Variants in SNX29 observed in about 807,000 individuals in gnomAD.
SNX29 encodes the protein sorting nexin 29.
SNX29 carries 78 observed loss-of-function variants against 102.1 expected under a neutral mutation model. The observed-to-expected ratio is 0.76, with a 90% CI of 0.64 to 0.92. The LOEUF (loss-of-function observed/expected upper bound fraction) is 0.92, where lower values mean the gene tolerates loss of function less well. SNX29 is among the 40% of genes least tolerant of loss of function. The probability of loss-of-function intolerance (pLI) is 0.00; values close to 1 mark genes in which losing one functional copy is unlikely to be tolerated. For synonymous variants in SNX29, 580 were observed against 414.5 expected (o/e 1.40, Z -4.85); for missense variants, 1,280 against 1,061.7 (o/e 1.21, Z -2.86).
chr16:12,547,662 C>G (rs965597019), intron 20 of SNX29, among the ~76,000 whole-genome samples: 4 of 152,120 alleles, frequency 2.6e-5, no homozygotes, highest in Admixed American at 1.3e-4. Context: ...ACCCCAAGCA[C>G]CATCTCCTGT....
intron 14 of SNX29, among the ~76,000 whole-genome samples, chr16:12,229,376 A>G (rs2077705445): frequency 6.6e-6 from 1 of 152,218 alleles, no homozygotes; most frequent in Non-Finnish European, 1.5e-5. Flanking sequence ...GTCTGGATCT[A>G]AATGAACATC....
At chr16:12,130,196 G>A (rs574781223) in intron 13 of SNX29, among the ~76,000 whole-genome samples, 34 of 144,762 alleles carry the variant, frequency 2.3e-4, no homozygotes, top group Admixed American at 2.2e-3. Flanking sequence ...AAAAAAAAAA[G>A]CCGGGCATGA....
intron 18 of SNX29, among the ~76,000 whole-genome samples, chr16:12,422,855 C>T (rs1027480593): frequency 6.6e-6 from 1 of 152,236 alleles, no homozygotes; most frequent in South Asian, 2.1e-4. Context: ...CTGGGATTCA[C>T]AGTCTCTCAG....
At chr16:12,273,087 C>G (rs952695470) in intron 14 of SNX29, among the ~76,000 whole-genome samples, 3 of 152,118 alleles carry the variant, frequency 2.0e-5, no homozygotes, top group African/African-American at 7.2e-5. Context: ...GGTGTTAATA[C>G]TTAATTCAAC....
chr16:12,553,402 T>C (rs1423204290), intron 20 of SNX29, among the ~76,000 whole-genome samples: 1 of 152,188 alleles, frequency 6.6e-6, no homozygotes, highest in South Asian at 2.1e-4. Flanking sequence ...TAAGTAGTTC[T>C]GGTGGTTGAA....
intron 20 of SNX29, among the ~76,000 whole-genome samples, chr16:12,538,480 G>A (rs2077177900): frequency 6.6e-6 from 1 of 152,144 alleles, no homozygotes; most frequent in Non-Finnish European, 1.5e-5. Flanking sequence ...TTGATGCTGT[G>A]TAACATACAT....
At chr16:12,555,547 G>T (rs1046775508) in intron 20 of SNX29, among the ~76,000 whole-genome samples, 3 of 150,784 alleles carry the variant, frequency 2.0e-5, no homozygotes, top group Admixed American at 2.0e-4. Flanking sequence ...AGGTCATACC[G>T]TGGGTTTGAG....
At chr16:12,042,171 C>G (rs2049905683) in intron 4 of SNX29, among the ~76,000 whole-genome samples, 1 of 152,108 alleles carries the variant, frequency 6.6e-6, no homozygotes, top group Non-Finnish European at 1.5e-5. Flanking sequence ...GGTGGGATTA[C>G]AGGTGTGCGC....
intron 19 of SNX29, among the ~76,000 whole-genome samples, chr16:12,480,077 G>A (rs2087835446): frequency 6.6e-6 from 1 of 152,174 alleles, no homozygotes; most frequent in Non-Finnish European, 1.5e-5. Context: ...ATACAGTACT[G>A]TATTTAGCTT....
At chr16:11,985,778 A>C (rs2055597328) in intron 1 of SNX29, among the ~76,000 whole-genome samples, 1 of 150,972 alleles carries the variant, frequency 6.6e-6, no homozygotes, top group Admixed American at 6.6e-5. Flanking sequence ...TTCCTGAGGC[A>C]GGTGGCTCCT....
chr16:11,980,421 TTTGAG>T (rs1381277724), intron 1 of SNX29, among the ~76,000 whole-genome samples: 1 of 152,208 alleles, frequency 6.6e-6, no homozygotes, highest in Non-Finnish European at 1.5e-5. Context: ...AAAATGGGCA[TTTGAG>T]TTGTTTCTAC....
rs571730906 is a variant in SNX29, at chr16:12,570,464, C to G, written c.*1835C>G. On this transcript the variant is annotated 3_prime_UTR_variant, in exon 21 of 21. Coordinates refer to ENST00000566228, the MANE Select transcript of SNX29 (RefSeq NM_032167.5). ...CCTAATGGACTGAGGCAGGAAACGT[C>G]TAAAAGCTCAATCTGCTGTATGTCA... 1 of 235,660 alleles carries G rather than the reference C, an allele frequency of 4.2e-6. No individual in the cohort carries two copies. Among genetic ancestry groups the G allele is most frequent in the Non-Finnish European group, 8.3e-6 (1 of 120,354 alleles). The allele number at this position is 235,660 out of a possible 1,614,324, so 14.6% of individuals were successfully genotyped here. A position where few individuals can be genotyped will look rare whatever the true frequency, so the allele number is the denominator to read the frequency against.
chr16:12,024,038 C>G (rs1235642790), intron 3 of SNX29, among the ~76,000 whole-genome samples: 2 of 152,004 alleles, frequency 1.3e-5, no homozygotes, highest in African/African-American at 4.8e-5. Flanking sequence ...GGAAATCAGA[C>G]CATTAACAGA....
At chr16:12,285,890 CTG>C (rs1032274027) in intron 15 of SNX29, among the ~76,000 whole-genome samples, 18 of 152,288 alleles carry the variant, frequency 1.2e-4, no homozygotes, top group African/African-American at 4.3e-4. Context: ...GAGTTTCACT[CTG>C]TTGCCCAGGC....
chr16:12,194,747 C>T (rs1359370542), intron 13 of SNX29, among the ~76,000 whole-genome samples: 2 of 151,598 alleles, frequency 1.3e-5, no homozygotes, highest in Non-Finnish European at 2.9e-5. Context: ...GTGTCTCAGC[C>T]TCCCGACCAG....
At chr16:12,127,011 T>C (rs2054241202) in intron 12 of SNX29, among the ~76,000 whole-genome samples, 1 of 152,168 alleles carries the variant, frequency 6.6e-6, no homozygotes, top group Non-Finnish European at 1.5e-5. Context: ...TACACTATAA[T>C]TCACTCATTT....
intron 16 of SNX29, among the ~76,000 whole-genome samples, chr16:12,391,053 C>G (rs1267785340): frequency 6.6e-6 from 1 of 152,086 alleles, no homozygotes. Context: ...TCAGGCAATC[C>G]TTCCACTTCA....
chr16:12,082,127 G>T (rs142839893), intron 11 of SNX29, among the ~76,000 whole-genome samples: 8 of 152,138 alleles, frequency 5.3e-5, no homozygotes, highest in Non-Finnish European at 8.8e-5. Flanking sequence ...GGGTGGCACC[G>T]TGGTGTAGAT....
At chr16:12,305,579 T>G (rs1342999131) in intron 15 of SNX29, among the ~76,000 whole-genome samples, 1 of 152,224 alleles carries the variant, frequency 6.6e-6, no homozygotes, top group East Asian at 1.9e-4. Context: ...TTTTGCTATT[T>G]TGTTCTCCAT....
Sources: gnomAD v4.1 joint callset for allele counts (sites outside exome capture counted in the v4.1 genomes callset) on GRCh38, gnomAD v4.1.1 for gene constraint, MANE v1.5 for transcripts, NCBI Gene and HGNC (gene_info 2026-07-23, HGNC 2026-07-21) for gene names.